The following EXOC6 variants were observed in gnomAD, a reference collection of about 807,000 sequenced individuals.
EXOC6 encodes SEC15-like 1.
Under a neutral mutation model 112.5 loss-of-function variants are expected in EXOC6, and 60 were observed. The observed-to-expected ratio is 0.53, with a 90% CI of 0.43 to 0.66. The LOEUF (loss-of-function observed/expected upper bound fraction) is 0.66. EXOC6 is among the 30% of genes least tolerant of loss of function. The probability of loss-of-function intolerance (pLI) is 0.00; values close to 1 mark genes in which losing one functional copy is unlikely to be tolerated. For missense variants in EXOC6, 855 were observed against 957.1 expected, an observed-to-expected ratio of 0.89 and a Z score of 1.41; for synonymous variants, 295 against 308.0, an observed-to-expected ratio of 0.96 and a Z score of 0.44.
chr10:93,018,631 G>T (rs1844648590), intron 20 of EXOC6, among the ~76,000 whole-genome samples: 1 of 148,652 alleles, frequency 6.7e-6, no homozygotes, highest in Non-Finnish European at 1.5e-5. Context: ...TTTTTTACCA[G>T]ATATTTCAGA....
At chr10:92,990,729 G>T (rs185226508) in intron 18 of EXOC6, among the ~76,000 whole-genome samples, 82 of 152,144 alleles carry the variant, frequency 5.4e-4, no homozygotes, top group Non-Finnish European at 4.4e-4. Context: ...CATCACCTAG[G>T]TATTAAGCCC....
At chr10:92,955,882 G>A (rs898491811) in intron 17 of EXOC6, among the ~76,000 whole-genome samples, 168 bp downstream of exon 17, 2 of 152,066 alleles carry the variant, frequency 1.3e-5, no homozygotes, top group African/African-American at 2.4e-5. Flanking sequence ...TTTTGGCACT[G>A]TAAACATCTT....
At chr10:92,828,682 TTGTGTGTC>T (rs1846423374) in intron 1 of EXOC6, among the ~76,000 whole-genome samples, 2 of 93,964 alleles carry the variant, frequency 2.1e-5, no homozygotes, top group Admixed American at 1.3e-4. Context: ...TTGCTGAGTT[TTGTGTGTC>T]TGTGTGTGTG....
chr10:92,943,497 A>C (rs915059743), intron 13 of EXOC6, among the ~76,000 whole-genome samples: 2 of 152,120 alleles, frequency 1.3e-5, no homozygotes, highest in African/African-American at 4.8e-5. Flanking sequence ...TAACCTGACT[A>C]CTGTTACATT....
chr10:92,840,901 G>C (rs1012129580), intron 1 of EXOC6, among the ~76,000 whole-genome samples: 7 of 151,736 alleles, frequency 4.6e-5, no homozygotes, highest in Non-Finnish European at 1.0e-4. Context: ...CCAGAAATCC[G>C]CCTGCCTTGG....
chr10:92,953,225 C>T (rs555656422), intron 15 of EXOC6, among the ~76,000 whole-genome samples: 3 of 151,936 alleles, frequency 2.0e-5, no homozygotes, highest in South Asian at 4.2e-4. Flanking sequence ...ACCACAGGTT[C>T]GCGCCACTGC....
At chr10:92,955,371 T>G (rs879271433) in intron 16 of EXOC6, among the ~76,000 whole-genome samples, 10 of 146,166 alleles carry the variant, frequency 6.8e-5, no homozygotes, top group East Asian at 5.9e-4. Context: ...AGACTCTTGG[T>G]GTGTGTGTGT....
chr10:93,056,992 G>GT lies in EXOC6; in HGVS notation c.2239dup (p.Tyr747LeufsTer20), dbSNP rs1325690437. 1 of 1,596,550 alleles carries GT rather than the reference G, an allele frequency of 6.3e-7. No individual in the cohort carries two copies. Among genetic ancestry groups the GT allele is most frequent in the Non-Finnish European group, 8.5e-7 (1 of 1,174,186 alleles). On this transcript the variant is annotated frameshift_variant, in exon 21 of 22. Coordinates refer to ENST00000260762, the MANE Select transcript of EXOC6 (RefSeq NM_019053.6). LOFTEE classifies it high-confidence loss of function. ...CTGATTATGGGCAGCCAGCTTCTAA[G>GT]TACCTTCGGGTGAATCCAAACACAG...
intron 18 of EXOC6, among the ~76,000 whole-genome samples, chr10:92,988,489 A>G (rs1383239576): frequency 6.6e-6 from 1 of 152,080 alleles, no homozygotes; most frequent in Non-Finnish European, 1.5e-5. Flanking sequence ...ATTGGTCTCT[A>G]CCAACAGTGT....
At chr10:92,975,935 C>A (rs1175283168) in intron 18 of EXOC6, among the ~76,000 whole-genome samples, 1 of 136,178 alleles carries the variant, frequency 7.3e-6, no homozygotes, top group Non-Finnish European at 1.6e-5. Flanking sequence ...GTCAGCCCCC[C>A]GCCCGGCCAG....
chr10:92,834,731 G>T (rs781760861), exon 1 of EXOC6: 21 of 1,603,612 alleles, frequency 1.3e-5, no homozygotes, highest in Non-Finnish European at 1.7e-5. Context: ...TTAGGGGCCT[G>T]TCGAGCGATG....
intron 6 of EXOC6, among the ~76,000 whole-genome samples, chr10:92,912,778 AGAAGG>A (rs1171251717): frequency 2.0e-5 from 3 of 152,164 alleles, no homozygotes; most frequent in Non-Finnish European, 2.9e-5. Flanking sequence ...AGAAATTCTC[AGAAGG>A]GAGTATGCCT....
chr10:92,832,094 A>G (rs1846503272), upstream of EXOC6, among the ~76,000 whole-genome samples: 1 of 152,198 alleles, frequency 6.6e-6, no homozygotes, highest in Admixed American at 6.5e-5. Context: ...CTCTTTTAAG[A>G]GTGATTTCTC....
At chr10:93,006,783 C>G (rs1189869784) in intron 19 of EXOC6, among the ~76,000 whole-genome samples, 1 of 152,176 alleles carries the variant, frequency 6.6e-6, no homozygotes, top group Non-Finnish European at 1.5e-5. Context: ...AATGAAATTA[C>G]AAGAAGTATC....
At chr10:92,922,328 G>GA (rs1369267866) in intron 8 of EXOC6, among the ~76,000 whole-genome samples, 2 of 152,104 alleles carry the variant, frequency 1.3e-5, no homozygotes, top group Non-Finnish European at 1.5e-5. Flanking sequence ...ATAGCATTGG[G>GA]AAAATTACTT....
In EXOC6 at chr10:92,838,979, G is replaced by A. The variant is rs1327035952; in HGVS notation, c.86+4155G>A. On this transcript the variant is annotated intron_variant, in intron 1 of 21. Coordinates refer to the EXOC6 transcript ENST00000371552. ...TCCCAGCTACTTGGGAGGCTGAAGC[G>A]GGAGAATCACTTGAACCTGGGAGGC... is the stretch of plus-strand genomic sequence containing the variant. Among the ~76,000 whole-genome samples, 8 of 152,016 alleles carry A rather than the reference G, an allele frequency of 5.3e-5. No individual in the cohort carries two copies. The South Asian group carries it at 6.2e-4, about 12-fold the overall frequency.
intron 1 of EXOC6, among the ~76,000 whole-genome samples, chr10:92,873,561 A>G (rs1308746356): frequency 6.6e-6 from 1 of 152,212 alleles, no homozygotes; most frequent in Non-Finnish European, 1.5e-5. Flanking sequence ...GAAACATATT[A>G]AAGTATATCA....
chr10:92,893,637 A>G (rs1849613769), intron 2 of EXOC6, 117 bp downstream of exon 2: 7 of 832,612 alleles, frequency 8.4e-6, no homozygotes, highest in African/African-American at 1.7e-5. Context: ...GTGAATTAGT[A>G]TATGTATTAG....
chr10:92,888,878 G>A lies in EXOC6; in HGVS notation c.102-4471G>A, dbSNP rs181478398. 1.4e-3 allele frequency among the ~76,000 whole-genome samples: 215 copies of A among 152,288 alleles called. 5 individuals are homozygous for A. The East Asian group carries it at 0.03, about 22-fold the overall frequency. On this transcript the variant is annotated intron_variant, in intron 1 of 21. Transcript: ENST00000260762. Reference sequence around the variant, plus strand: ...TATATGTTAATTGTGGGAAAAGTACGAAGTAGGAATTTTAGTACTGCCTCA... The same window carrying A: ...TATATGTTAATTGTGGGAAAAGTACAAAGTAGGAATTTTAGTACTGCCTCA...
Sources: allele counts gnomAD v4.1 joint callset (sites outside exome capture counted in the v4.1 genomes callset), GRCh38; gene constraint gnomAD v4.1.1; transcripts MANE v1.5; gene names NCBI Gene and HGNC (gene_info 2026-07-23, HGNC 2026-07-21).